The following SLIT2 variants were observed in gnomAD, a reference collection of about 807,000 sequenced individuals.
SLIT2 encodes the protein slit homolog 2 protein.
In SLIT2, 41 loss-of-function variants were observed where a neutral mutation model predicts 185.7. The observed-to-expected ratio is 0.22, with a 90% confidence interval of 0.17 to 0.29. SLIT2 has a LOEUF of 0.29. Ranked by LOEUF, SLIT2 falls within the 10% of genes least tolerant of loss-of-function variation. The probability of loss-of-function intolerance (pLI) is 1.00; values close to 1 mark genes in which losing one functional copy is unlikely to be tolerated. For synonymous variants in SLIT2, 693 were observed against 680.2 expected, an observed-to-expected ratio of 1.02 and a Z score of -0.29; for missense variants, 1,571 against 1,909.0, an observed-to-expected ratio of 0.82 and a Z score of 3.30.
chr4:20,513,144 AC>A (rs1219927306), intron 11 of SLIT2, among the ~76,000 whole-genome samples: 8 of 152,218 alleles, frequency 5.3e-5, no homozygotes, highest in Non-Finnish European at 8.8e-5. Flanking sequence ...ACTCACGCAC[AC>A]AGTTGTTTTA....
intron 4 of SLIT2, among the ~76,000 whole-genome samples, chr4:20,425,475 G>A (rs1035181236): frequency 5.9e-5 from 9 of 151,972 alleles, no homozygotes; most frequent in South Asian, 4.1e-4. Context: ...TTATTTATAT[G>A]AATGAAATAG....
At chr4:20,408,426 A>G (rs768593081) in intron 4 of SLIT2, among the ~76,000 whole-genome samples, 5 of 151,860 alleles carry the variant, frequency 3.3e-5, no homozygotes, top group South Asian at 2.1e-4. Flanking sequence ...GCACATTTTG[A>G]TTTTTTGTTC....
intron 11 of SLIT2, among the ~76,000 whole-genome samples, chr4:20,518,581 ATATATATTTTTTTTTTTTTT>A (rs1720504868): frequency 4.3e-5 from 1 of 23,204 alleles, no homozygotes; most frequent in African/African-American, 1.7e-4. Flanking sequence ...ATATATATAT[ATATATATTTTTTTTTTTTTT>A]TTTTTTTTTT....
Position 20,580,392 on chromosome 4 carries a change from G to GTA in SLIT2, c.3089-9240_3089-9239dup, listed in dbSNP as rs67641353. Among the ~76,000 whole-genome samples the GTA allele has an allele frequency of 3.4e-4, 52 of 150,810 alleles. 1 individual carries two copies. Among genetic ancestry groups the GTA allele is most frequent in the East Asian group, 2.1e-3 (11 of 5,140 alleles). On this transcript the variant is annotated intron_variant, in intron 29 of 36. Coordinates refer to ENST00000504154, the MANE Select transcript of SLIT2 (RefSeq NM_004787.4). ...AGGATTATTTTTATACTTAATGATAGTATATATATATATTATACGTGTGTG... is the reference window on the plus strand; with the variant it reads ...AGGATTATTTTTATACTTAATGATAGTATATATATATATATTATACGTGTGTG...
In SLIT2 at chr4:20,352,424, T is replaced by G. The variant is rs186853478; in HGVS notation, c.395+83543T>G. On this transcript the variant is annotated intron_variant, in intron 4 of 36. Transcript: ENST00000504154. ...TTTTCCAACCCAGATTAATACAGGT[T>G]AGAGAGTAGAGGAGTTTGTTAATAC... Among the ~76,000 whole-genome samples, 184 of 152,332 alleles carry G rather than the reference T, an allele frequency of 1.2e-3. 2 individuals are homozygous for G. The highest frequency in any genetic ancestry group is 2.1e-3 in the Non-Finnish European group (146 of 68,026).
chr4:20,431,540 C>T (rs1728979604), intron 4 of SLIT2, among the ~76,000 whole-genome samples: 1 of 152,118 alleles, frequency 6.6e-6, no homozygotes, highest in South Asian at 2.1e-4. Context: ...AGGCCTTTCG[C>T]TGCAGTCTGG....
chr4:20,472,484 C>CGATATATATAGATATATCTATATAGATA (rs1715452997), intron 5 of SLIT2, among the ~76,000 whole-genome samples: 1 of 14,714 alleles, frequency 6.8e-5, no homozygotes, highest in Non-Finnish European at 1.0e-4. Flanking sequence ...AGATATATAT[C>CGATATATATAGATATATCTATATAGATA]TATATATAGA....
chr4:20,518,316 G>A (rs1488747068), intron 11 of SLIT2, among the ~76,000 whole-genome samples: 1 of 137,856 alleles, frequency 7.3e-6, no homozygotes, highest in Non-Finnish European at 1.5e-5. Flanking sequence ...GCAGTGGCGC[G>A]ATCTCGGCTC....
chr4:20,509,741 G>A (rs1024732153), intron 9 of SLIT2, among the ~76,000 whole-genome samples: 9 of 152,142 alleles, frequency 5.9e-5, no homozygotes, highest in Non-Finnish European at 8.8e-5. Context: ...TTATTTGTGC[G>A]TTTCATAACT....
chr4:20,570,733 A>ATG (rs1275991447), intron 29 of SLIT2, among the ~76,000 whole-genome samples: 1 of 14,298 alleles, frequency 7.0e-5, no homozygotes, highest in Non-Finnish European at 1.2e-4. Flanking sequence ...ATATATATGT[A>ATG]TATATATATA....
intron 7 of SLIT2, among the ~76,000 whole-genome samples, chr4:20,486,606 A>G (rs1205649769): frequency 1.3e-5 from 2 of 152,150 alleles, no homozygotes; most frequent in Admixed American, 1.3e-4. Context: ...TGATTTTATT[A>G]CTGTACTGCA....
intron 4 of SLIT2, among the ~76,000 whole-genome samples, chr4:20,312,771 C>CAA (rs34372893): frequency 9.0e-4 from 92 of 101,948 alleles, no homozygotes; most frequent in Non-Finnish European, 1.2e-3. Flanking sequence ...GACTTTGTCT[C>CAA]AAAAAAAAAA....
chr4:20,590,192 A>T, intron 30 of SLIT2, among the ~76,000 whole-genome samples: 1 of 152,170 alleles, frequency 6.6e-6, no homozygotes, highest in Non-Finnish European at 1.5e-5. Context: ...GGCGTGAGCC[A>T]CCGCGCCCAG....
At chr4:20,488,774 C>T (rs766773416) in intron 7 of SLIT2, 45 bp from the exon 8 acceptor site, 73 of 1,458,742 alleles carry the variant, frequency 5.0e-5, no homozygotes, top group Admixed American at 9.9e-5. Flanking sequence ...AATGAAATAA[C>T]GACTTTCTGT....
At chr4:20,283,079 G>T (rs1379597863) in intron 4 of SLIT2, among the ~76,000 whole-genome samples, 1 of 151,288 alleles carries the variant, frequency 6.6e-6, no homozygotes, top group East Asian at 2.0e-4. Context: ...TTAGGTATTT[G>T]TTTATATGTG....
chr4:20,549,044 T>C lies in SLIT2; in HGVS notation c.2418-13T>C. ...TTTCTGAATAAAACAAATTGACATA[T>C]GTATGCTTTCAGAATTCTTAGTTAC... On this transcript the variant is annotated splice_polypyrimidine_tract_variant and intron_variant, in intron 23 of 36. Coordinates refer to ENST00000504154, the MANE Select transcript of SLIT2 (RefSeq NM_004787.4). The C allele has an allele frequency of 2.0e-6, 3 of 1,527,208 alleles. No homozygotes were observed. Among genetic ancestry groups the C allele is most frequent in the Non-Finnish European group, 2.7e-6 (3 of 1,101,802 alleles). The allele number at this position is 1,527,208 out of a possible 1,614,324, so 94.6% of individuals were successfully genotyped here. A position where few individuals can be genotyped will look rare whatever the true frequency, so the allele number is the denominator to read the frequency against.
chr4:20,560,944 G>C (rs1428037199), intron 26 of SLIT2, among the ~76,000 whole-genome samples: 1 of 151,886 alleles, frequency 6.6e-6, no homozygotes, highest in African/African-American at 2.4e-5. Flanking sequence ...TCTACTGATA[G>C]ATACTTTTAA....
intron 8 of SLIT2, among the ~76,000 whole-genome samples, chr4:20,491,192 A>T (rs887277059): frequency 6.6e-6 from 1 of 152,236 alleles, no homozygotes; most frequent in East Asian, 1.9e-4. Flanking sequence ...ACAAATTATT[A>T]TTATGATTTC....
rs548221580 is a variant in SLIT2, at chr4:20,472,307, T to G, written c.467+4484T>G. On this transcript the variant is annotated intron_variant, in intron 5 of 36. Coordinates refer to ENST00000504154, the MANE Select transcript of SLIT2 (RefSeq NM_004787.4). Reference sequence around the variant, plus strand: ...ATATAGATATATAGATATATAGATCTATATATAGATATATATATCTATATA... The same window carrying G: ...ATATAGATATATAGATATATAGATCGATATATAGATATATATATCTATATA... 9.1e-4 allele frequency among the ~76,000 whole-genome samples: 27 copies of G among 29,594 alleles called. 2 individuals are homozygous for G. The highest frequency in any genetic ancestry group is 2.3e-3 in the African/African-American group (11 of 4,832). The allele number at this position is 29,594 out of a possible 152,430, so 19.4% of individuals were successfully genotyped here.
Sources: gnomAD v4.1 joint callset for allele counts (sites outside exome capture counted in the v4.1 genomes callset) on GRCh38, gnomAD v4.1.1 for gene constraint, MANE v1.5 for transcripts, NCBI Gene and HGNC (gene_info 2026-07-23, HGNC 2026-07-21) for gene names.